Variants in SNX29 observed in about 807,000 individuals in gnomAD.
SNX29 encodes sorting nexin-29.
Under a neutral mutation model 102.1 loss-of-function variants are expected in SNX29, and 78 were observed. That is an observed-to-expected ratio of 0.76 (90% CI 0.64 to 0.92). SNX29 has a LOEUF of 0.92. SNX29 is among the 40% of genes least tolerant of loss of function. The probability of loss-of-function intolerance (pLI) is 0.00; values close to 1 mark genes in which losing one functional copy is unlikely to be tolerated. For missense variants in SNX29, 1,280 were observed against 1,061.7 expected, an observed-to-expected ratio of 1.21 and a Z score of -2.86; for synonymous variants, 580 against 414.5, an observed-to-expected ratio of 1.40 and a Z score of -4.85.
chr16:12,378,072 A>G (rs375440101), intron 16 of SNX29, among the ~76,000 whole-genome samples: 1 of 152,232 alleles, frequency 6.6e-6, no homozygotes, highest in East Asian at 1.9e-4. Flanking sequence ...GGAATTTTTT[A>G]TATTAGATAC....
chr16:12,551,503 C>G (rs971267284), intron 20 of SNX29, among the ~76,000 whole-genome samples: 2 of 152,170 alleles, frequency 1.3e-5, no homozygotes, highest in African/African-American at 4.8e-5. Context: ...ATCTTTGGGC[C>G]TCAGCATCAG....
intron 3 of SNX29, among the ~76,000 whole-genome samples, chr16:12,021,511 CTGT>C (rs1244786561): frequency 6.6e-6 from 1 of 152,046 alleles, no homozygotes; most frequent in African/African-American, 2.4e-5. Flanking sequence ...ATGGCTGATC[CTGT>C]TGTTTTAATG....
chr16:12,358,623 G>A (rs963969341), intron 16 of SNX29, among the ~76,000 whole-genome samples: 1 of 152,148 alleles, frequency 6.6e-6, no homozygotes, highest in African/African-American at 2.4e-5. Context: ...TAGGTCACAA[G>A]ACCCCCATTT....
At chr16:12,488,271 TTGG>T in intron 19 of SNX29, among the ~76,000 whole-genome samples, 1 of 152,304 alleles carries the variant, frequency 6.6e-6, no homozygotes, top group South Asian at 2.1e-4. Flanking sequence ...GAGACTCCTC[TTGG>T]TGGTCTCAAG....
intron 16 of SNX29, among the ~76,000 whole-genome samples, chr16:12,395,139 T>C (rs2083673221): frequency 6.6e-6 from 1 of 152,244 alleles, no homozygotes; most frequent in Admixed American, 6.5e-5. Flanking sequence ...AATAAACATT[T>C]ATTCAGGACA....
intron 11 of SNX29, among the ~76,000 whole-genome samples, chr16:12,083,046 G>A (rs1158329699): frequency 6.6e-6 from 1 of 152,066 alleles, no homozygotes; most frequent in African/African-American, 2.4e-5. Context: ...GCTCATGCCT[G>A]TAATCCTAGC....
chr16:12,493,160 A>G (rs565960754), intron 19 of SNX29, among the ~76,000 whole-genome samples: 1 of 152,290 alleles, frequency 6.6e-6, no homozygotes, highest in African/African-American at 2.4e-5. Flanking sequence ...CTTCCTACCC[A>G]TGAGGATGGA....
chr16:12,170,868 G>A (rs952390344), intron 13 of SNX29, among the ~76,000 whole-genome samples: 19 of 151,834 alleles, frequency 1.3e-4, no homozygotes, highest in African/African-American at 3.6e-4. Context: ...GTGCGCGCGC[G>A]CGTGCTGTTT....
chr16:12,199,483 T>G, intron 13 of SNX29, 118 bp from the exon 14 acceptor site: 1 of 745,568 alleles, frequency 1.3e-6, no homozygotes, highest in Middle Eastern at 2.4e-4. Flanking sequence ...TATTAACATT[T>G]ATAAGATGCA....
intron 19 of SNX29, among the ~76,000 whole-genome samples, chr16:12,511,766 C>T (rs546569000): frequency 3.9e-5 from 6 of 152,196 alleles, no homozygotes; most frequent in Admixed American, 1.3e-4. Flanking sequence ...TATGATCTGT[C>T]ATCCCCCCTC....
chr16:12,539,920 TTC>T (rs759410858), intron 20 of SNX29, among the ~76,000 whole-genome samples: 22 of 152,140 alleles, frequency 1.4e-4, no homozygotes, highest in Non-Finnish European at 2.8e-4. Context: ...GTTTTGGGAG[TTC>T]TTTGTATATG....
intron 11 of SNX29, among the ~76,000 whole-genome samples, chr16:12,084,878 G>C (rs1485047461): frequency 6.6e-6 from 1 of 152,102 alleles, no homozygotes; most frequent in Non-Finnish European, 1.5e-5. Flanking sequence ...AGACTAGCCA[G>C]GCCAACATAG....
At chr16:12,393,815 G>A (rs1453785506) in intron 16 of SNX29, among the ~76,000 whole-genome samples, 2 of 152,252 alleles carry the variant, frequency 1.3e-5, no homozygotes, top group South Asian at 2.1e-4. Flanking sequence ...CATAGTAATT[G>A]TTCAGCACAT....
At chr16:12,040,557 G>A (rs1337474497) in intron 4 of SNX29, among the ~76,000 whole-genome samples, 1 of 152,108 alleles carries the variant, frequency 6.6e-6, no homozygotes, top group East Asian at 1.9e-4. Context: ...TGAGTAATTC[G>A]ACATGTGGAA....
intron 14 of SNX29, among the ~76,000 whole-genome samples, chr16:12,206,988 T>G (rs1567311689): frequency 6.6e-6 from 1 of 152,146 alleles, no homozygotes; most frequent in Admixed American, 6.5e-5. Context: ...TAGCTGACAC[T>G]GTAAATTAAT....
intron 15 of SNX29, among the ~76,000 whole-genome samples, chr16:12,323,637 G>A (rs945042256): frequency 1.3e-5 from 2 of 152,262 alleles, no homozygotes; most frequent in East Asian, 3.9e-4. Context: ...ATTGTTCACT[G>A]TCGTATCCAG....
chr16:12,535,242 G>T (rs112379472), intron 20 of SNX29, among the ~76,000 whole-genome samples: 1 of 152,172 alleles, frequency 6.6e-6, no homozygotes, highest in Admixed American at 6.5e-5. Context: ...GGGCTCAAGC[G>T]ACTTTTGTGC....
intron 16 of SNX29, among the ~76,000 whole-genome samples, chr16:12,376,368 A>G (rs1182005718): frequency 6.6e-6 from 1 of 152,218 alleles, no homozygotes; most frequent in Non-Finnish European, 1.5e-5. Context: ...TACTTTGGTC[A>G]CAAATCATCT....
intron 19 of SNX29, among the ~76,000 whole-genome samples, chr16:12,509,806 G>A (rs958371777): frequency 2.0e-5 from 3 of 152,190 alleles, no homozygotes; most frequent in Non-Finnish European, 1.5e-5. Context: ...TCCGCCACAT[G>A]AGTGAATGCC....
Sources: gnomAD v4.1 joint callset for allele counts (sites outside exome capture counted in the v4.1 genomes callset) on GRCh38, gnomAD v4.1.1 for gene constraint, MANE v1.5 for transcripts, NCBI Gene and HGNC (gene_info 2026-07-23, HGNC 2026-07-21) for gene names.